TMEM117: variants seen among roughly 807,000 people sequenced by gnomAD.
TMEM117 encodes the protein transmembrane protein 117.
Under a neutral mutation model 52.4 loss-of-function variants are expected in TMEM117, and 27 were observed. The ratio of observed to expected loss-of-function variants is 0.51; its 90% CI spans 0.38 to 0.71. TMEM117 has a LOEUF of 0.71. Ranked by LOEUF, TMEM117 falls within the 30% of genes least tolerant of loss-of-function variation. The probability of loss-of-function intolerance (pLI) is 0.00; values close to 1 mark genes in which losing one functional copy is unlikely to be tolerated. For missense variants in TMEM117, 556 were observed against 630.5 expected (o/e 0.88, Z 1.26); for synonymous variants, 215 against 206.3 (o/e 1.04, Z -0.36).
intron 6 of TMEM117, among the ~76,000 whole-genome samples, chr12:44,365,158 A>G (rs1158134527): frequency 6.6e-6 from 1 of 152,058 alleles, no homozygotes; most frequent in East Asian, 1.9e-4. Context: ...ATCTACAGTT[A>G]AATGCATATC....
intron 3 of TMEM117, among the ~76,000 whole-genome samples, chr12:44,006,398 C>A (rs538772887): frequency 6.6e-6 from 1 of 152,270 alleles, no homozygotes; most frequent in East Asian, 1.9e-4. Flanking sequence ...AGGAGAGAAA[C>A]AACTAGAATG....
chr12:44,219,819 A>T (rs1024879453), intron 5 of TMEM117, among the ~76,000 whole-genome samples: 1 of 152,174 alleles, frequency 6.6e-6, no homozygotes, highest in African/African-American at 2.4e-5. Context: ...TCTACTAGGG[A>T]GATAACATTC....
At chr12:43,946,671 C>T (rs1945139117) in intron 3 of TMEM117, among the ~76,000 whole-genome samples, 1 of 152,080 alleles carries the variant, frequency 6.6e-6, no homozygotes, top group Non-Finnish European at 1.5e-5. Flanking sequence ...GACATTTTGC[C>T]ACTTTGTTGT....
At chr12:44,076,101 A>C (rs1214248789) in intron 3 of TMEM117, among the ~76,000 whole-genome samples, 1 of 152,238 alleles carries the variant, frequency 6.6e-6, no homozygotes, top group African/African-American at 2.4e-5. Context: ...AAAATGGCAG[A>C]TGCCAGGTAG....
intron 2 of TMEM117, among the ~76,000 whole-genome samples, chr12:43,940,149 A>C (rs566831630): frequency 6.6e-6 from 1 of 152,284 alleles, no homozygotes; most frequent in South Asian, 2.1e-4. Context: ...GTCATCCCCA[A>C]ATGAGGCTCT....
At chr12:43,803,968 C>T in the TMEM117 span, among the ~76,000 whole-genome samples, 1 of 152,048 alleles carries the variant, frequency 6.6e-6, no homozygotes, top group South Asian at 2.1e-4. Context: ...CAACCAGATT[C>T]CCTGTTTACA....
chr12:44,187,770 AG>A (rs1408009523), intron 4 of TMEM117, among the ~76,000 whole-genome samples: 1 of 152,074 alleles, frequency 6.6e-6, no homozygotes, highest in Non-Finnish European at 1.5e-5. Flanking sequence ...GCTTCAGGTA[AG>A]GGGTACAGTA....
chr12:44,286,074 TA>T (rs1950634379), intron 5 of TMEM117, among the ~76,000 whole-genome samples: 1 of 152,162 alleles, frequency 6.6e-6, no homozygotes, highest in South Asian at 2.1e-4. Context: ...TTCTATTTAA[TA>T]AGATTCACAG....
chr12:43,846,593 A>C (rs1170024696), intron 2 of TMEM117, among the ~76,000 whole-genome samples: 1 of 152,228 alleles, frequency 6.6e-6, no homozygotes, highest in African/African-American at 2.4e-5. Flanking sequence ...TCAAGCAGGC[A>C]AGGTCTTTGC....
chr12:43,936,019 C>T (rs1310842195), intron 2 of TMEM117, among the ~76,000 whole-genome samples: 2 of 151,704 alleles, frequency 1.3e-5, no homozygotes, highest in Non-Finnish European at 2.9e-5. Context: ...TAATTCATGC[C>T]TTGTATACCA....
At chr12:43,801,228 C>T in the TMEM117 span, among the ~76,000 whole-genome samples, 3 of 152,036 alleles carry the variant, frequency 2.0e-5, no homozygotes, top group South Asian at 2.1e-4. Context: ...TCAAAATTCA[C>T]GGCTTACCGA....
chr12:44,240,702 A>G (rs1282503515), intron 5 of TMEM117, among the ~76,000 whole-genome samples: 1 of 152,032 alleles, frequency 6.6e-6, no homozygotes, highest in Non-Finnish European at 1.5e-5. Flanking sequence ...AACCCTTTTC[A>G]TTTAATGATA....
intron 3 of TMEM117, among the ~76,000 whole-genome samples, chr12:44,061,741 G>A (rs151229298): frequency 4.5e-4 from 69 of 152,164 alleles, no homozygotes; most frequent in Non-Finnish European, 7.8e-4. Context: ...ATATTCATGG[G>A]GATTTAATTT....
intron 5 of TMEM117, among the ~76,000 whole-genome samples, chr12:44,235,069 G>A (rs572405490): frequency 1.5e-4 from 23 of 151,624 alleles, no homozygotes; most frequent in African/African-American, 5.3e-4. Flanking sequence ...TAGTAATGGA[G>A]TCCATTTTTT....
chr12:43,893,108 A>T (rs1309923759), intron 2 of TMEM117, among the ~76,000 whole-genome samples: 1 of 152,240 alleles, frequency 6.6e-6, no homozygotes, highest in Admixed American at 6.5e-5. Context: ...CAACAAACAG[A>T]TTATGTTGGC....
chr12:44,189,219 C>T (rs1949319570), intron 4 of TMEM117, among the ~76,000 whole-genome samples: 1 of 151,984 alleles, frequency 6.6e-6, no homozygotes, highest in South Asian at 2.1e-4. Flanking sequence ...TGAATAACTC[C>T]AATATCCACA....
intron 5 of TMEM117, among the ~76,000 whole-genome samples, chr12:44,284,925 C>T (rs2138605381): frequency 6.6e-6 from 1 of 152,312 alleles, no homozygotes; most frequent in Admixed American, 6.5e-5. Flanking sequence ...TTTTAAGTGC[C>T]TCTCAGTAAA....
At chr12:43,942,493 T>C (rs1015259189) in intron 2 of TMEM117, among the ~76,000 whole-genome samples, 3 of 152,204 alleles carry the variant, frequency 2.0e-5, no homozygotes, top group Admixed American at 2.0e-4. Flanking sequence ...TTTGTTTTAG[T>C]AGAACGTTTT....
At chr12:44,143,482 A>T in intron 3 of TMEM117, 43 bp from the exon 4 acceptor site, 1 of 1,482,424 alleles carries the variant, frequency 6.7e-7, no homozygotes, top group Non-Finnish European at 9.3e-7. Flanking sequence ...TAACTGTATG[A>T]CTCTCTGAGT....
Sources: gnomAD v4.1 joint callset for allele counts (sites outside exome capture counted in the v4.1 genomes callset) on GRCh38, gnomAD v4.1.1 for gene constraint, MANE v1.5 for transcripts, NCBI Gene and HGNC (gene_info 2026-07-23, HGNC 2026-07-21) for gene names.